Variants in NHSL3 observed in about 807,000 individuals in gnomAD.
NHSL3 encodes the protein NHS-like protein 3.
At chr1:32,760,417 G>A in the NHSL3 span, among the ~76,000 whole-genome samples, 1 of 152,194 alleles carries the variant, frequency 6.6e-6, no homozygotes, top group Non-Finnish European at 1.5e-5. Context: ...CTCCCTCCCC[G>A]ATTCTTCCCT....
chr1:32,757,043 G>T, the NHSL3 span, among the ~76,000 whole-genome samples: 7 of 152,338 alleles, frequency 4.6e-5, no homozygotes, highest in African/African-American at 1.7e-4. Context: ...TCCTCTTGAG[G>T]TTCCATTGTG....
the NHSL3 span, among the ~76,000 whole-genome samples, chr1:32,760,370 A>G: frequency 6.6e-6 from 1 of 152,294 alleles, no homozygotes; most frequent in African/African-American, 2.4e-5. Flanking sequence ...TTGCCAAGAC[A>G]GTGCGTGCGC....
chr1:32,742,215 G>A, the NHSL3 span: 298 of 1,242,618 alleles, frequency 2.4e-4, 1 homozygote, highest in African/African-American at 4.3e-3. Context: ...CCTGGGCTGA[G>A]CGCGGGGGGG....
chr1:32,758,281 G>A, the NHSL3 span, among the ~76,000 whole-genome samples: 150,091 of 152,172 alleles, frequency 0.99, 74,053 homozygotes, highest in East Asian at 1. Flanking sequence ...TTTCCCATGC[G>A]TTGCACTGTC....
At chr1:32,751,389 C>A in the NHSL3 span, among the ~76,000 whole-genome samples, 2 of 152,204 alleles carry the variant, frequency 1.3e-5, no homozygotes, top group African/African-American at 4.8e-5. Flanking sequence ...ACCATCTCCA[C>A]CTCCACCAGT....
chr1:32,771,439 C>G, the NHSL3 span: 4 of 1,590,068 alleles, frequency 2.5e-6, no homozygotes, highest in South Asian at 1.1e-5. Context: ...TGTGGAGGCA[C>G]CATCTGCCTC....
At chr1:32,750,943 C>T in the NHSL3 span, among the ~76,000 whole-genome samples, 1 of 152,040 alleles carries the variant, frequency 6.6e-6, no homozygotes, top group Non-Finnish European at 1.5e-5. Flanking sequence ...TCCCAAGTAG[C>T]CGGGACTACA....
chr1:32,769,698 A>G, the NHSL3 span: 2 of 1,613,634 alleles, frequency 1.2e-6, no homozygotes, highest in Non-Finnish European at 1.7e-6. Flanking sequence ...CCCATGACTC[A>G]TTTCCCAAAT....
At chr1:32,770,981 C>A in the NHSL3 span, 3 of 1,610,710 alleles carry the variant, frequency 1.9e-6, no homozygotes, top group Non-Finnish European at 2.5e-6. The surrounding 1 kb of genome is among the most constrained non-coding windows in gnomAD (Gnocchi z 8.3). Flanking sequence ...CTGGCAGGTC[C>A]CCCTGCTTCC....
the NHSL3 span, among the ~76,000 whole-genome samples, chr1:32,762,991 T>TC: frequency 2.7e-5 from 4 of 150,582 alleles, no homozygotes; most frequent in African/African-American, 9.8e-5. Context: ...TTTTTTTTTT[T>TC]TTTTTTTGAG....
chr1:32,756,679 A>G, the NHSL3 span, among the ~76,000 whole-genome samples: 13 of 150,000 alleles, frequency 8.7e-5, no homozygotes, highest in Non-Finnish European at 1.3e-4. Flanking sequence ...AAAAAAAAAA[A>G]AAGAATGGGC....
At chr1:32,774,754 T>C in the NHSL3 span, 1 of 152,626 alleles carries the variant, frequency 6.6e-6, no homozygotes, top group East Asian at 1.9e-4. Flanking sequence ...TCCTCTGGGG[T>C]AAATGAGCTT....
chr1:32,767,693 G>A, the NHSL3 span: 1 of 1,097,720 alleles, frequency 9.1e-7, no homozygotes, highest in South Asian at 1.5e-5. Context: ...GCCGTGTGCA[G>A]TCTGGGGACC....
At chr1:32,760,983 A>G in the NHSL3 span, among the ~76,000 whole-genome samples, 1 of 152,044 alleles carries the variant, frequency 6.6e-6, no homozygotes, top group South Asian at 2.1e-4. Flanking sequence ...ACTGTCTCTG[A>G]GTTGAGGAGC....
At chr1:32,770,460 T>C in the NHSL3 span, 2 of 1,602,666 alleles carry the variant, frequency 1.2e-6, no homozygotes, top group South Asian at 1.1e-5. The surrounding 1 kb of genome is among the most constrained non-coding windows in gnomAD (Gnocchi z 8.3). Context: ...CCATTGTGTC[T>C]GACGGTTCCA....
chr1:32,758,906 G>T, the NHSL3 span, among the ~76,000 whole-genome samples: 2 of 152,132 alleles, frequency 1.3e-5, no homozygotes, highest in African/African-American at 4.8e-5. Context: ...AAACTGAGGG[G>T]TTAGGGCTGC....
chr1:32,749,510 C>T, the NHSL3 span, among the ~76,000 whole-genome samples: 2 of 152,082 alleles, frequency 1.3e-5, no homozygotes, highest in Non-Finnish European at 2.9e-5. Flanking sequence ...ACAGATGGGG[C>T]AGCTGAGGCC....
chr1:32,771,393 T>G, the NHSL3 span: 2 of 937,122 alleles, frequency 2.1e-6, no homozygotes, highest in Non-Finnish European at 2.9e-6. Flanking sequence ...CATCTTATCA[T>G]CCACCCCCAC....
chr1:32,746,928 G>A, the NHSL3 span, among the ~76,000 whole-genome samples: 1 of 152,154 alleles, frequency 6.6e-6, no homozygotes, highest in Non-Finnish European at 1.5e-5. Flanking sequence ...CTGAGGGGTG[G>A]GAGTAGGCAT....
Sources: gnomAD v4.1 joint callset for allele counts (sites outside exome capture counted in the v4.1 genomes callset) on GRCh38, gnomAD v4.1.1 for gene constraint, Gnocchi (gnomAD v3.1) non-coding constraint, MANE v1.5 for transcripts, NCBI Gene and HGNC (gene_info 2026-07-23, HGNC 2026-07-21) for gene names.